The following FKBP15 variants were observed in gnomAD, a reference collection of about 807,000 sequenced individuals.
The protein encoded by FKBP15 is FKBP prolyl isomerase family member 15.
A neutral mutation model predicts 158.1 loss-of-function variants in FKBP15; 106 were observed. The ratio of observed to expected loss-of-function variants is 0.67; its 90% CI spans 0.57 to 0.79. The LOEUF is 0.79. FKBP15 is among the 30% of genes least tolerant of loss of function. The pLI is 0.00. For synonymous variants in FKBP15, 547 were observed against 548.6 expected, an observed-to-expected ratio of 1.00 and a Z score of 0.04; for missense variants, 1,287 against 1,479.1, an observed-to-expected ratio of 0.87 and a Z score of 2.13.
At chr9:113,200,652 G>A (rs1199412116) in intron 6 of FKBP15, among the ~76,000 whole-genome samples, 1 of 152,156 alleles carries the variant, frequency 6.6e-6, no homozygotes, top group Non-Finnish European at 1.5e-5. Flanking sequence ...AATATAGTAT[G>A]AAAGATCTTT....
chr9:113,167,634 T>A (rs555705136), intron 27 of FKBP15, among the ~76,000 whole-genome samples: 1 of 152,330 alleles, frequency 6.6e-6, no homozygotes, highest in East Asian at 1.9e-4. Context: ...CCACTCTGGC[T>A]GATACATGAG....
chr9:113,191,889 A>G (rs1830581628), intron 11 of FKBP15, among the ~76,000 whole-genome samples: 1 of 151,570 alleles, frequency 6.6e-6, no homozygotes, highest in Non-Finnish European at 1.5e-5. Flanking sequence ...AGATCTTGTT[A>G]TATTGTTTTG....
rs1400080207 is a variant in FKBP15, at chr9:113,215,636, A to AT, written c.54-4045dup. Among the ~76,000 whole-genome samples, 88 of 116,238 alleles carry AT rather than the reference A, an allele frequency of 7.6e-4. 1 individual carries two copies. In the South Asian group the frequency reaches 7.7e-3, roughly 10 times the overall value. 76.3% of individuals were successfully genotyped at this position (116,238 alleles called of 152,430 possible). On this transcript the variant is annotated intron_variant, in intron 1 of 27. Transcript: ENST00000238256. Reference sequence around the variant, plus strand: ...TGTGTGTGTGTGTGTATATATATATATATATATATTTTTTTTTTTTTTTTT... The same window carrying AT: ...TGTGTGTGTGTGTGTATATATATATATTATATATATTTTTTTTTTTTTTTTT...
At chr9:113,170,735 A>G (rs545419397) in intron 24 of FKBP15, 106 bp from the exon 25 acceptor site, 41 of 775,420 alleles carry the variant, frequency 5.3e-5, no homozygotes, top group Admixed American at 2.6e-4. Flanking sequence ...TTAGATCTCT[A>G]CACTGGGATA....
At position 113,171,682 on chromosome 9, in the gene FKBP15, T is replaced by C; in HGVS notation, c.2557A>G (p.Thr853Ala). Residue 853 changes from threonine (T) to alanine (A), a missense_variant, in exon 24 of 28, where the codon ACA becomes GCA. Thr to Ala is a moderately conservative substitution (Grantham distance 58, BLOSUM62 0). Transcript: ENST00000238256. The stretch of plus-strand genomic sequence containing the variant: ...TGTTCATTTTGCTTGGTGAGAGCTG[T>C]GATTTGGGCCTGGAGGGCTAAACAC... ...EKCLALQAQI[T>A]ALTKQNEQHI... 1 of 1,599,936 alleles carries C rather than the reference T, an allele frequency of 6.3e-7. No individual in the cohort carries two copies. The highest frequency in any genetic ancestry group is 8.5e-7 in the Non-Finnish European group (1 of 1,172,894).
rs1486987591 is a variant in FKBP15, at chr9:113,196,470, G to A, written c.864+462C>T. Among the ~76,000 whole-genome samples, 3 of 146,926 alleles carry A rather than the reference G, an allele frequency of 2.0e-5. No homozygotes were observed. The South Asian group carries it at 6.5e-4, about 32-fold the overall frequency. On this transcript the variant is annotated intron_variant, in intron 9 of 27. Transcript: ENST00000238256. ...ATGATCTCAGCTCACTGCAATCTCC[G>A]CCTCCCAGGTTCAATCAATTCTCCT...
Position 113,166,036 on chromosome 9 carries a change from G to A in FKBP15, c.*42C>T, listed in dbSNP as rs1431837572. ...GTTGGCTGTGCAAAATCATGCTTAGGGAAGGGTTGCAGAGAAACCTTTGCA... is the reference window on the plus strand; with the variant it reads ...GTTGGCTGTGCAAAATCATGCTTAGAGAAGGGTTGCAGAGAAACCTTTGCA... On this transcript the variant is annotated 3_prime_UTR_variant, in exon 28 of 28. Coordinates refer to ENST00000238256, the MANE Select transcript of FKBP15 (RefSeq NM_015258.2). 6.3e-7 allele frequency: 1 copy of A among 1,581,852 alleles called. No homozygotes were observed. The highest frequency in any genetic ancestry group is 8.6e-7 in the Non-Finnish European group (1 of 1,158,270).
Position 113,162,784 on chromosome 9 carries a change from A to G in FKBP15, c.*3294T>C, listed in dbSNP as rs1266412105. The G allele has an allele frequency of 6.2e-7, 1 of 1,613,630 alleles. No homozygotes were observed. The highest frequency in any genetic ancestry group is 8.5e-7 in the Non-Finnish European group (1 of 1,179,776). ...TGTCACTTTGGCCAGTCTCTAATCC[A>G]TGTCATCCAGGTGGTCATCGGCTAC... On this transcript the variant is annotated 3_prime_UTR_variant, in exon 28 of 28. Coordinates refer to ENST00000238256, the MANE Select transcript of FKBP15 (RefSeq NM_015258.2).
At chr9:113,183,995 C>T (rs1012776717) in intron 17 of FKBP15, 150 bp from the exon 18 acceptor site, 2 of 641,920 alleles carry the variant, frequency 3.1e-6, no homozygotes, top group Admixed American at 2.8e-5. Context: ...TAAAACAACA[C>T]ATCAGATTAC....
intron 1 of FKBP15, among the ~76,000 whole-genome samples, chr9:113,216,121 G>A (rs1466654015): frequency 8.8e-6 from 1 of 113,784 alleles, no homozygotes; most frequent in African/African-American, 3.4e-5. Flanking sequence ...GCACAATAAA[G>A]CAAACCGAAA....
chr9:113,212,610 G>T (rs1267258655), intron 1 of FKBP15, among the ~76,000 whole-genome samples: 1 of 152,106 alleles, frequency 6.6e-6, no homozygotes, highest in Non-Finnish European at 1.5e-5. Flanking sequence ...CTTCTGCAGG[G>T]GTTGTGGAAG....
chr9:113,195,040 G>A (rs1830645310), intron 9 of FKBP15, among the ~76,000 whole-genome samples: 1 of 152,064 alleles, frequency 6.6e-6, no homozygotes, highest in Non-Finnish European at 1.5e-5. Context: ...AGTTAAAATT[G>A]TTGGATAAAA....
Position 113,221,268 on chromosome 9 carries a change from G to C in FKBP15, c.-25C>G. 2 of 1,593,038 alleles carry C rather than the reference G, an allele frequency of 1.3e-6. No individual in the cohort carries two copies. Among genetic ancestry groups the C allele is most frequent in the Non-Finnish European group, 1.7e-6 (2 of 1,170,264 alleles). On this transcript the variant is annotated 5_prime_UTR_variant, in exon 1 of 28. Coordinates refer to ENST00000238256, the MANE Select transcript of FKBP15 (RefSeq NM_015258.2). Reference sequence around the variant, plus strand: ...TTGCGTTGGCTTTCACCGGGTTGCGGGGAGGAAGCTGGGTATTCCCAGAGT... The same window carrying C: ...TTGCGTTGGCTTTCACCGGGTTGCGCGGAGGAAGCTGGGTATTCCCAGAGT...
chr9:113,164,284 ACT>A lies in FKBP15; in HGVS notation c.*1792_*1793del, dbSNP rs1271177434. ...AGTCCATCCATCTGCTACAAAGACA[ACT>A]CTGCTCAGGGAAACCCAGCCCTGAA... On this transcript the variant is annotated 3_prime_UTR_variant, in exon 28 of 28. Coordinates refer to ENST00000238256, the MANE Select transcript of FKBP15 (RefSeq NM_015258.2). The A allele has an allele frequency of 1.3e-5, 2 of 152,192 alleles. No individual in the cohort carries two copies. Among genetic ancestry groups the A allele is most frequent in the South Asian group, 2.1e-4 (1 of 4,818 alleles). 9.4% of individuals were successfully genotyped at this position (152,192 alleles called of 1,614,324 possible).
At position 113,161,384 on chromosome 9, in the gene FKBP15, A is replaced by G; in HGVS notation, c.*4694T>C. The G allele has an allele frequency of 1.1e-6, 1 of 874,580 alleles. No homozygotes were observed. The highest frequency in any genetic ancestry group is 1.8e-6 in the Non-Finnish European group (1 of 547,054). 54.2% of individuals were successfully genotyped at this position (874,580 alleles called of 1,614,324 possible). On this transcript the variant is annotated 3_prime_UTR_variant, in exon 28 of 28. Coordinates refer to ENST00000238256, the MANE Select transcript of FKBP15 (RefSeq NM_015258.2). ...AAGACAGTGAAGAAGTTCGGAACTCAGCAAGGGTGGGGAAGAAGGTGCAGG... is the reference window on the plus strand; with the variant it reads ...AAGACAGTGAAGAAGTTCGGAACTCGGCAAGGGTGGGGAAGAAGGTGCAGG...
chr9:113,216,083 G>GA (rs71491081), intron 1 of FKBP15, among the ~76,000 whole-genome samples: 1,227 of 85,934 alleles, frequency 0.014, 24 homozygotes, highest in African/African-American at 0.034. Context: ...TTTATTTTGT[G>GA]AAAAAAAAAA....
intron 1 of FKBP15, among the ~76,000 whole-genome samples, 156 bp downstream of exon 1, chr9:113,221,035 G>A (rs949585688): frequency 4.6e-5 from 7 of 152,180 alleles, no homozygotes; most frequent in Non-Finnish European, 1.0e-4. Flanking sequence ...ACAGTTGCAA[G>A]TTCTGCCCAG....
rs73655813 is a variant in FKBP15 at position 113,170,723 on chromosome 9, T to C, written c.2659-94A>G. 1.6e-3 allele frequency: 1,369 copies of C among 843,736 alleles called. 18 individuals carry two copies. In the African/African-American group the frequency reaches 0.02, roughly 12 times the overall value. The allele number at this position is 843,736 out of a possible 1,614,324, so 52.3% of individuals were successfully genotyped here. On this transcript the variant is annotated intron_variant, in intron 24 of 27. Transcript: ENST00000238256. The stretch of plus-strand genomic sequence containing the variant: ...TGTATGGAAGGCCAAAATGAAGCCA[T>C]CTTAGATCTCTACACTGGGATACTG...
intron 6 of FKBP15, 133 bp from the exon 7 acceptor site, chr9:113,200,096 C>T (rs537182162): frequency 6.1e-5 from 64 of 1,045,524 alleles, no homozygotes; most frequent in Middle Eastern, 3.1e-4. Flanking sequence ...GTAAACCAAA[C>T]GGAAGCCAGT....
Sources: allele counts gnomAD v4.1 joint callset (sites outside exome capture counted in the v4.1 genomes callset), GRCh38; gene constraint gnomAD v4.1.1; transcripts MANE v1.5; gene names NCBI Gene and HGNC (gene_info 2026-07-23, HGNC 2026-07-21).